USH2A: variants seen among roughly 807,000 people sequenced by gnomAD.
The protein encoded by USH2A is Usher syndrome 2A (autosomal recessive, mild).
In USH2A, 443 loss-of-function variants were observed where a neutral mutation model predicts 538.9. The observed-to-expected ratio is 0.82, with a 90% confidence interval of 0.76 to 0.89. USH2A has a LOEUF of 0.89. USH2A is among the 40% of genes least tolerant of loss of function. The pLI, the probability that USH2A is intolerant of heterozygous loss-of-function variation, is 0.00. For missense variants in USH2A, 6,633 were observed against 6,324.8 expected (o/e 1.05, Z -1.65); for synonymous variants, 2,413 against 2,273.5 (o/e 1.06, Z -1.75).
chr1:216,034,328 C>T (rs1669195201), intron 32 of USH2A, among the ~76,000 whole-genome samples: 1 of 151,956 alleles, frequency 6.6e-6, no homozygotes, highest in Non-Finnish European at 1.5e-5. Context: ...CCACTCTGTC[C>T]CTGAATTGGA....
chr1:215,855,389 T>G (rs1664136254), intron 44 of USH2A, among the ~76,000 whole-genome samples: 1 of 152,142 alleles, frequency 6.6e-6, no homozygotes, highest in Admixed American at 6.5e-5. Context: ...ACTTAACCCC[T>G]TTTACAATAA....
At chr1:215,954,274 T>C (rs1443940545) in intron 37 of USH2A, among the ~76,000 whole-genome samples, 2 of 152,086 alleles carry the variant, frequency 1.3e-5, no homozygotes, top group Non-Finnish European at 2.9e-5. Flanking sequence ...CGTATGTTTA[T>C]TGTGGCACTA....
chr1:215,671,533 A>T (rs1309320526), intron 63 of USH2A, among the ~76,000 whole-genome samples: 1 of 152,146 alleles, frequency 6.6e-6, no homozygotes, highest in African/African-American at 2.4e-5. Flanking sequence ...GTCTCAAAAA[A>T]AAATTATATT....
chr1:216,246,841 C>T lies in USH2A; in HGVS notation c.2553G>A (p.Lys851=). ...SFLCLPCNCD[K]TGTINGSLLC... ...GCAGAGAGCCATTTATTGTCCCAGT[C>T]TTATCACAGTTGCAAGGCAGACAGA... The change falls in exon 13 of 72, where the codon AAG becomes AAA. Residue 851 remains lysine, a synonymous_variant. Coordinates refer to ENST00000307340, the MANE Select transcript of USH2A (RefSeq NM_206933.4). The T allele has an allele frequency of 6.2e-7, 1 of 1,614,160 alleles. No individual in the cohort carries two copies. The highest frequency in any genetic ancestry group is 8.5e-7 in the Non-Finnish European group (1 of 1,179,984).
chr1:216,112,013 A>G (rs537715757), intron 21 of USH2A, among the ~76,000 whole-genome samples: 1 of 152,116 alleles, frequency 6.6e-6, no homozygotes, highest in African/African-American at 2.4e-5. Flanking sequence ...AATTAGAAAA[A>G]CTTTTTCTTT....
At chr1:216,190,510 T>G (rs2034693919) in intron 19 of USH2A, 143 bp from the exon 20 acceptor site, 10 of 1,150,396 alleles carry the variant, frequency 8.7e-6, no homozygotes, top group Non-Finnish European at 1.2e-5. Flanking sequence ...TTTTTTTTTT[T>G]TTTCTGAAGA....
At chr1:216,283,833 A>G (rs2036831872) in intron 11 of USH2A, among the ~76,000 whole-genome samples, 1 of 152,180 alleles carries the variant, frequency 6.6e-6, no homozygotes, top group South Asian at 2.1e-4. Flanking sequence ...CCAGTCTTAC[A>G]TTCCTTTTTC....
intron 3 of USH2A, among the ~76,000 whole-genome samples, chr1:216,379,820 T>C (rs188087267): frequency 6.6e-6 from 1 of 152,174 alleles, no homozygotes; most frequent in African/African-American, 2.4e-5. Flanking sequence ...TTTGCGACCC[T>C]CCCCAGAGGG....
intron 32 of USH2A, among the ~76,000 whole-genome samples, chr1:216,006,663 A>C (rs1015855429): frequency 6.6e-6 from 1 of 152,066 alleles, no homozygotes; most frequent in African/African-American, 2.4e-5. Context: ...GACTCTCTTC[A>C]TTATATTGAT....
intron 63 of USH2A, among the ~76,000 whole-genome samples, chr1:215,673,037 T>C (rs1201783287): frequency 6.6e-6 from 1 of 152,210 alleles, no homozygotes; most frequent in African/African-American, 2.4e-5. Context: ...GTCTAGAATA[T>C]ACAGCTCTGC....
intron 11 of USH2A, among the ~76,000 whole-genome samples, chr1:216,254,040 G>A (rs1047130539): frequency 3.3e-5 from 5 of 151,726 alleles, no homozygotes; most frequent in African/African-American, 4.8e-5. Flanking sequence ...CTTGATTCTT[G>A]CCAAAACCTA....
chr1:215,692,450 CAT>C (rs375951866), intron 61 of USH2A, among the ~76,000 whole-genome samples: 22 of 142,152 alleles, frequency 1.5e-4, no homozygotes, highest in South Asian at 5.6e-4. Flanking sequence ...AGATATTTTA[CAT>C]ATATATATAT....
chr1:216,259,276 T>C (rs1162192545), intron 11 of USH2A, among the ~76,000 whole-genome samples: 1 of 152,130 alleles, frequency 6.6e-6, no homozygotes, highest in Non-Finnish European at 1.5e-5. Flanking sequence ...TACTGGTTGC[T>C]GCACATGTGG....
intron 38 of USH2A, among the ~76,000 whole-genome samples, chr1:215,929,150 A>G (rs1389210445): frequency 2.2e-5 from 1 of 46,344 alleles, no homozygotes; most frequent in Non-Finnish European, 4.6e-5. Flanking sequence ...TAGCATTAAC[A>G]ATGTAAAAAA....
intron 30 of USH2A, among the ~76,000 whole-genome samples, chr1:216,049,759 A>G (rs565333258): frequency 6.6e-6 from 1 of 152,288 alleles, no homozygotes; most frequent in South Asian, 2.1e-4. Context: ...AGGATGGAGC[A>G]AAGACCAGTT....
At chr1:215,706,876 T>C (rs1370034841) in intron 61 of USH2A, among the ~76,000 whole-genome samples, 1 of 152,236 alleles carries the variant, frequency 6.6e-6, no homozygotes, top group Non-Finnish European at 1.5e-5. Context: ...CTATTGATTA[T>C]CTGCTTTTAT....
chr1:216,294,344 T>C (rs1179519402), intron 9 of USH2A, among the ~76,000 whole-genome samples: 1 of 152,070 alleles, frequency 6.6e-6, no homozygotes, highest in Non-Finnish European at 1.5e-5. Context: ...TCTTTCAAAT[T>C]TGTATATGCA....
intron 27 of USH2A, 48 bp downstream of exon 27, chr1:216,078,041 T>G (rs779031301): frequency 6.2e-7 from 1 of 1,612,178 alleles, no homozygotes; most frequent in Admixed American, 1.7e-5. Context: ...CAAAAACTGT[T>G]AGCACCAGGG....
chr1:216,018,344 G>C (rs139575689), intron 32 of USH2A, among the ~76,000 whole-genome samples: 1 of 152,308 alleles, frequency 6.6e-6, no homozygotes, highest in Non-Finnish European at 1.5e-5. Context: ...CACAGACCAA[G>C]CCATTGCTGC....
Sources: allele counts gnomAD v4.1 joint callset (sites outside exome capture counted in the v4.1 genomes callset), GRCh38; gene constraint gnomAD v4.1.1; transcripts MANE v1.5; gene names NCBI Gene and HGNC (gene_info 2026-07-23, HGNC 2026-07-21).